GLB1L3: variants seen among roughly 807,000 people sequenced by gnomAD.
GLB1L3 encodes galactosidase beta 1 like 3, also known as beta-galactosidase-1-like protein 3.
A neutral mutation model predicts 89.5 loss-of-function variants in GLB1L3; 89 were observed. The ratio of observed to expected loss-of-function variants is 0.99; its 90% CI spans 0.84 to 1.19. The LOEUF (loss-of-function observed/expected upper bound fraction) is 1.19, where lower values mean the gene tolerates loss of function less well. GLB1L3 is among the 50% of genes most tolerant of loss of function. GLB1L3 has a pLI of 0.00. For missense variants in GLB1L3, 812 were observed against 813.3 expected (o/e 1.00, Z 0.02); for synonymous variants, 314 against 312.3 (o/e 1.01, Z -0.06).
In GLB1L3 at chr11:134,277,857, T is replaced by C; in HGVS notation, c.307T>C (p.Tyr103His). ...SIHYFRVPRE[Y>H]WRDRLLKLKA... ...CCACTATTTCCGGGTGCCCAGGGAG[T>C]ACTGGAGGGACCGCCTGCTGAAGCT... Residue 103 changes from tyrosine to histidine, a missense_variant, in exon 3 of 20, where the codon TAC (tyrosine) becomes CAC (histidine). Tyr to His is a moderately conservative substitution (Grantham distance 83). Coordinates refer to ENST00000431683, the MANE Select transcript of GLB1L3 (RefSeq NM_001080407.3). 6.2e-7 allele frequency: 1 copy of C among 1,613,858 alleles called. No individual in the cohort carries two copies. Among genetic ancestry groups the C allele is most frequent in the South Asian group, 1.1e-5 (1 of 91,074 alleles).
chr11:134,299,537 A>G (rs901875641), intron 9 of GLB1L3, among the ~76,000 whole-genome samples: 2 of 151,742 alleles, frequency 1.3e-5, no homozygotes, highest in African/African-American at 2.4e-5. Context: ...ATGGGCTTCA[A>G]ATGTTTCTGG....
Position 134,276,633 on chromosome 11 carries a change from A to T in GLB1L3, c.-108A>T. The T allele has an allele frequency of 9.4e-7, 1 of 1,058,590 alleles. No individual in the cohort carries two copies. Among genetic ancestry groups the T allele is most frequent in the Non-Finnish European group, 1.2e-6 (1 of 808,102 alleles). The allele number at this position is 1,058,590 out of a possible 1,614,324, so 65.6% of individuals were successfully genotyped here. ...GCTGCAGGCGCAGCGCGCAGACCTG[A>T]GCCTGCCCCGCGGAACCGGGGCTCG... On this transcript the variant is annotated 5_prime_UTR_variant, in exon 1 of 20. Transcript: ENST00000431683.
intron 9 of GLB1L3, among the ~76,000 whole-genome samples, chr11:134,294,648 G>A (rs548106059): frequency 1.2e-3 from 181 of 152,226 alleles, no homozygotes; most frequent in Non-Finnish European, 2.1e-3. Context: ...AGTTAATCCC[G>A]TCTCCAGCCC....
intron 9 of GLB1L3, among the ~76,000 whole-genome samples, chr11:134,295,462 T>C (rs1038190098): frequency 6.6e-6 from 1 of 152,212 alleles, no homozygotes; most frequent in African/African-American, 2.4e-5. Context: ...GTCATAGCGA[T>C]GGCTCCTCTT....
At chr11:134,322,229 T>C (rs1943177144), downstream of GLB1L3, among the ~76,000 whole-genome samples, 1 of 152,220 alleles carries the variant, frequency 6.6e-6, no homozygotes, top group African/African-American at 2.4e-5. Context: ...GGGTTACCCA[T>C]AGTAATGGAA....
intron 14 of GLB1L3, 75 bp from the exon 15 acceptor site, chr11:134,312,741 C>G: frequency 8.0e-7 from 1 of 1,253,262 alleles, no homozygotes; most frequent in Non-Finnish European, 1.1e-6. Context: ...TGACCTCCTT[C>G]TCCCGAAACC....
chr11:134,307,421 C>T (rs1197364620), intron 10 of GLB1L3, among the ~76,000 whole-genome samples: 1 of 152,138 alleles, frequency 6.6e-6, no homozygotes, highest in Non-Finnish European at 1.5e-5. Flanking sequence ...TAGTGAGGTC[C>T]ACAGATCATT....
intron 6 of GLB1L3, among the ~76,000 whole-genome samples, chr11:134,285,327 A>G (rs1222912540): frequency 3.3e-5 from 5 of 152,160 alleles, no homozygotes; most frequent in Non-Finnish European, 7.3e-5. Flanking sequence ...GGTCTGTGAC[A>G]AAAAAAGAAC....
intron 9 of GLB1L3, among the ~76,000 whole-genome samples, chr11:134,294,441 T>C (rs1941526323): frequency 6.6e-6 from 1 of 152,254 alleles, no homozygotes; most frequent in Non-Finnish European, 1.5e-5. Flanking sequence ...GATCTGTGGC[T>C]ATCTCTAGTT....
intron 9 of GLB1L3, among the ~76,000 whole-genome samples, chr11:134,295,274 G>T (rs1035164460): frequency 6.6e-6 from 1 of 152,164 alleles, no homozygotes; most frequent in East Asian, 1.9e-4. Flanking sequence ...TTAACTTGCA[G>T]TTCAATTTCT....
intron 7 of GLB1L3, among the ~76,000 whole-genome samples, chr11:134,289,896 A>G (rs1392232570): frequency 6.7e-6 from 1 of 149,550 alleles, no homozygotes; most frequent in African/African-American, 2.4e-5. Flanking sequence ...TGGGCTGCCA[A>G]GCAGAGTGCA....
intron 9 of GLB1L3, among the ~76,000 whole-genome samples, chr11:134,295,630 T>C (rs1941592349): frequency 6.6e-6 from 1 of 152,220 alleles, no homozygotes; most frequent in Non-Finnish European, 1.5e-5. Context: ...TTTGAACTTT[T>C]AGCATTTTCT....
intron 9 of GLB1L3, among the ~76,000 whole-genome samples, chr11:134,301,603 A>G (rs4936229): frequency 0.29 from 44,187 of 151,714 alleles, 6,545 homozygotes; most frequent in South Asian, 0.35. Context: ...ATTAATTTCA[A>G]TTTCACTGCT....
chr11:134,278,120 G>C (rs151188940), intron 3 of GLB1L3, among the ~76,000 whole-genome samples: 2 of 152,320 alleles, frequency 1.3e-5, no homozygotes, highest in East Asian at 3.9e-4. Flanking sequence ...ATAGGGGTTA[G>C]TGGGAGAATC....
intron 9 of GLB1L3, among the ~76,000 whole-genome samples, chr11:134,294,840 G>T (rs935936777): frequency 6.6e-6 from 1 of 152,166 alleles, no homozygotes; most frequent in Non-Finnish European, 1.5e-5. Flanking sequence ...TTCAATAGCT[G>T]ACTGGATTGT....
At chr11:134,288,434 C>T (rs1052935798) in intron 6 of GLB1L3, among the ~76,000 whole-genome samples, 2 of 152,160 alleles carry the variant, frequency 1.3e-5, no homozygotes, top group African/African-American at 2.4e-5. Flanking sequence ...CAGCGGAAGG[C>T]CGTGGGACCC....
rs1941903715 is a variant in GLB1L3 at position 134,300,691 on chromosome 11, C to T, written c.877-6433C>T. ...AGGCTGTTCTCCTCTGAGGCCTCTCCTTATCTTGCAGATGGTCACCTTCTT... is the reference window on the plus strand; with the variant it reads ...AGGCTGTTCTCCTCTGAGGCCTCTCTTTATCTTGCAGATGGTCACCTTCTT... On this transcript the variant is annotated intron_variant, in intron 9 of 19. Transcript: ENST00000431683. 1.3e-5 allele frequency among the ~76,000 whole-genome samples: 2 copies of T among 152,138 alleles called. 1 individual carries two copies. The highest frequency in any genetic ancestry group is 1.3e-4 in the Admixed American group (2 of 15,288).
At chr11:134,298,187 G>T (rs984322814) in intron 9 of GLB1L3, among the ~76,000 whole-genome samples, 18 of 151,958 alleles carry the variant, frequency 1.2e-4, no homozygotes, top group African/African-American at 4.1e-4. Flanking sequence ...ATCCTGCTTG[G>T]TGTTCCAGGA....
intron 6 of GLB1L3, among the ~76,000 whole-genome samples, chr11:134,286,408 G>A (rs931885495): frequency 6.6e-6 from 1 of 152,194 alleles, no homozygotes; most frequent in African/African-American, 2.4e-5. Context: ...TGTTTGAAGG[G>A]CTGAAGCTGT....
Sources: gnomAD v4.1 joint callset for allele counts (sites outside exome capture counted in the v4.1 genomes callset) on GRCh38, gnomAD v4.1.1 for gene constraint, MANE v1.5 for transcripts, NCBI Gene and HGNC (gene_info 2026-07-23, HGNC 2026-07-21) for gene names.